Variants in EXTL3 observed in about 807,000 individuals in gnomAD.
EXTL3 encodes the protein exostosin like glycosyltransferase 3.
Under a neutral mutation model 69.3 loss-of-function variants are expected in EXTL3, and 27 were observed. That is an observed-to-expected ratio of 0.39 (90% CI 0.29 to 0.54). EXTL3 has a LOEUF of 0.54. Among genes scored for constraint, EXTL3 ranks in the 20% least tolerant of loss-of-function variants. The pLI is 0.69. For missense variants in EXTL3, 1,003 were observed against 1,231.8 expected (o/e 0.81, Z 2.78); for synonymous variants, 511 against 499.4 (o/e 1.02, Z -0.31).
intron 2 of EXTL3, among the ~76,000 whole-genome samples, chr8:28,617,531 A>C (rs1250059969): frequency 6.6e-6 from 1 of 152,162 alleles, no homozygotes. Flanking sequence ...CTGTAATCCC[A>C]GTACTTTGAG....
At chr8:28,745,718 G>A (rs1801875210) in intron 6 of EXTL3, among the ~76,000 whole-genome samples, 1 of 152,208 alleles carries the variant, frequency 6.6e-6, no homozygotes, top group Non-Finnish European at 1.5e-5. Context: ...TCAGTTACCT[G>A]AGCAGGCACA....
At position 28,750,837 on chromosome 8, in the gene EXTL3, G is replaced by C; in HGVS notation, c.2731G>C (p.Asp911His). Residue 911 changes from aspartate to histidine, a missense_variant, in exon 7 of 7, where the codon GAC becomes CAC. Asp to His is a moderately conservative substitution (Grantham distance 81). Coordinates refer to ENST00000220562, the MANE Select transcript of EXTL3 (RefSeq NM_001440.4). The surrounding 1 kb of genome is among the most constrained non-coding windows in gnomAD (Gnocchi z 5.2). ...GCTCTTCAAGACACGCCTGCCCCAT[G>C]ACAAGACCAAGTGCTTCAAGTTCAT... ...SVLFKTRLPH[D>H]KTKCFKFI The C allele has an allele frequency of 6.2e-7, 1 of 1,614,146 alleles. No individual in the cohort carries two copies. The highest frequency in any genetic ancestry group is 8.5e-7 in the Non-Finnish European group (1 of 1,180,026).
intron 1 of EXTL3, among the ~76,000 whole-genome samples, chr8:28,677,798 C>G (rs1807412725): frequency 6.6e-6 from 1 of 152,238 alleles, no homozygotes; most frequent in South Asian, 2.1e-4. Flanking sequence ...GTGCTGCACA[C>G]TCTGAGTTCA....
At chr8:28,664,195 A>C (rs1248215736) in intron 1 of EXTL3, among the ~76,000 whole-genome samples, 1 of 152,154 alleles carries the variant, frequency 6.6e-6, no homozygotes, top group Non-Finnish European at 1.5e-5. Flanking sequence ...GGTGGCTTCA[A>C]CAGCCGGCAT....
At position 28,632,052 on chromosome 8, in the gene EXTL3, C is replaced by T. The variant is rs115041154; in HGVS notation, c.-53+9242C>T. ...GCAGTGAACCAAGATTGAGCCACTG[C>T]GCTGCACTCCGGCCTGGCGACAGAG... On this transcript the variant is annotated intron_variant, in intron 1 of 6. Coordinates refer to the EXTL3 transcript ENST00000523149. Among the ~76,000 whole-genome samples the T allele has an allele frequency of 2.4e-3, 363 of 151,528 alleles. 2 individuals carry two copies. The highest frequency in any genetic ancestry group is 8.5e-3 in the African/African-American group (349 of 41,220).
intron 1 of EXTL3, among the ~76,000 whole-genome samples, chr8:28,693,717 T>G (rs1800649547): frequency 6.6e-6 from 1 of 152,172 alleles, no homozygotes; most frequent in Admixed American, 6.5e-5. Context: ...AGCCAGGACT[T>G]CTAGAGTGAG....
upstream of EXTL3, among the ~76,000 whole-genome samples, chr8:28,621,224 A>G (rs748453992): frequency 2.0e-5 from 3 of 152,128 alleles, no homozygotes. Context: ...TGCAGATGTA[A>G]TTAGTTAAGA....
chr8:28,721,878 G>A (rs1292583820), intron 3 of EXTL3, among the ~76,000 whole-genome samples: 4 of 152,160 alleles, frequency 2.6e-5, no homozygotes, highest in Admixed American at 2.6e-4. Context: ...TTAGGAAAGG[G>A]ACATCTTTCA....
Position 28,753,815 on chromosome 8 carries a change from C to T in EXTL3, c.*2949C>T, listed in dbSNP as rs17521627. On this transcript the variant is annotated 3_prime_UTR_variant, in exon 7 of 7. Transcript: ENST00000220562. ...GCCAGCTGGGCCTGCTCGCAGAAGA[C>T]GATGGGAGGCAGCCTGACCAGGCCC... 3,389 of 152,476 alleles carry T rather than the reference C, an allele frequency of 0.022. 52 individuals are homozygous for T. The highest frequency in any genetic ancestry group is 0.034 in the Non-Finnish European group (2,319 of 68,064). 9.4% of individuals were successfully genotyped at this position (152,476 alleles called of 1,614,324 possible).
At chr8:28,698,862 T>C (rs1800726277), upstream of EXTL3, among the ~76,000 whole-genome samples, 1 of 152,050 alleles carries the variant, frequency 6.6e-6, no homozygotes, top group Non-Finnish European at 1.5e-5. Flanking sequence ...GGCACAGTAG[T>C]GCGTGCCTGT....
intron 1 of EXTL3, among the ~76,000 whole-genome samples, chr8:28,680,940 C>T (rs930781726): frequency 1.3e-5 from 2 of 152,020 alleles, no homozygotes; most frequent in Admixed American, 6.5e-5. Context: ...TGCGGTGACA[C>T]GATCTCAGCT....
intron 2 of EXTL3, among the ~76,000 whole-genome samples, chr8:28,615,198 G>A (rs915105743): frequency 6.6e-6 from 1 of 152,162 alleles, no homozygotes; most frequent in African/African-American, 2.4e-5. Context: ...CTCCATGTGT[G>A]CTTGAGAAGA....
Position 28,623,498 on chromosome 8 carries a change from A to G in EXTL3, c.-53+688A>G, listed in dbSNP as rs1270655135. On this transcript the variant is annotated intron_variant, in intron 1 of 6. Coordinates refer to the EXTL3 transcript ENST00000523149. This position sits in a 1 kb window ranked among gnomAD's most constrained non-coding sequence, Gnocchi z 4.2. Reference sequence around the variant, plus strand: ...CTGAGTTTTGTTGGTGTTTGTCCTCAGCCTGTTTCTGGGTCACCCTGCAGG... The same window carrying G: ...CTGAGTTTTGTTGGTGTTTGTCCTCGGCCTGTTTCTGGGTCACCCTGCAGG... 6.6e-6 allele frequency among the ~76,000 whole-genome samples: 1 copy of G among 152,198 alleles called. No individual in the cohort carries two copies. The highest frequency in any genetic ancestry group is 1.5e-5 in the Non-Finnish European group (1 of 68,030).
At chr8:28,678,849 A>G (rs561575418) in intron 1 of EXTL3, among the ~76,000 whole-genome samples, 7 of 152,276 alleles carry the variant, frequency 4.6e-5, no homozygotes, top group Non-Finnish European at 7.4e-5. Flanking sequence ...CATGGGTTTT[A>G]AAGTAAAACC....
chr8:28,691,454 A>T (rs1320299263), intron 1 of EXTL3, among the ~76,000 whole-genome samples: 4 of 152,232 alleles, frequency 2.6e-5, no homozygotes, highest in Non-Finnish European at 4.4e-5. Flanking sequence ...ACTTCATTCA[A>T]AGTAAGTGAA....
chr8:28,646,114 G>A lies in EXTL3; in HGVS notation c.-53+23304G>A, dbSNP rs532022291. Among the ~76,000 whole-genome samples the A allele has an allele frequency of 3.3e-5, 5 of 152,194 alleles. No individual in the cohort carries two copies. The South Asian group carries it at 8.3e-4, about 25-fold the overall frequency. On this transcript the variant is annotated intron_variant, in intron 1 of 6. Transcript: ENST00000523149. ...TGGGCTCAAGCGATCTACCTGCCTC[G>A]GCTTCCCAAAGTGTTGGGATTATAG...
At chr8:28,656,250 G>T (rs1412465014) in intron 1 of EXTL3, among the ~76,000 whole-genome samples, 1 of 151,826 alleles carries the variant, frequency 6.6e-6, no homozygotes, top group Non-Finnish European at 1.5e-5. Flanking sequence ...GCTCGCTGCA[G>T]CCTCTGCCTC....
upstream of EXTL3, among the ~76,000 whole-genome samples, chr8:28,618,147 T>C (rs1159742235): frequency 6.6e-6 from 1 of 152,104 alleles, no homozygotes; most frequent in East Asian, 1.9e-4. Flanking sequence ...AACTTTATCT[T>C]ATCTTAAATA....
chr8:28,673,908 C>T (rs925678988), intron 1 of EXTL3, among the ~76,000 whole-genome samples: 5 of 152,092 alleles, frequency 3.3e-5, no homozygotes, highest in Non-Finnish European at 7.4e-5. Flanking sequence ...GCTCTCTAAT[C>T]TGATTAGATT....
Sources: gnomAD v4.1 joint callset for allele counts (sites outside exome capture counted in the v4.1 genomes callset) on GRCh38, gnomAD v4.1.1 for gene constraint, Gnocchi (gnomAD v3.1) non-coding constraint, MANE v1.5 for transcripts, NCBI Gene and HGNC (gene_info 2026-07-23, HGNC 2026-07-21) for gene names.